The following ARMH1 variants were observed in gnomAD, a reference collection of about 807,000 sequenced individuals.
ARMH1 encodes armadillo like helical domain containing 1.
A neutral mutation model predicts 50.2 loss-of-function variants in ARMH1; 34 were observed. That is an observed-to-expected ratio of 0.68 (90% CI 0.51 to 0.90). ARMH1 has a LOEUF of 0.90. Ranked by LOEUF, ARMH1 falls within the 40% of genes least tolerant of loss-of-function variation. The probability of loss-of-function intolerance (pLI) is 0.00; values close to 1 mark genes in which losing one functional copy is unlikely to be tolerated. For synonymous variants in ARMH1, 221 were observed against 224.2 expected (o/e 0.99, Z 0.13); for missense variants, 538 against 553.9 (o/e 0.97, Z 0.29).
chr1:44,707,976 T>C (rs1212771415), intron 6 of ARMH1, among the ~76,000 whole-genome samples: 3 of 152,228 alleles, frequency 2.0e-5, no homozygotes, highest in Admixed American at 2.0e-4. Flanking sequence ...AAATGTCTGT[T>C]GAATGAATGT....
At chr1:44,701,433 AT>A (rs746783467) in intron 5 of ARMH1, among the ~76,000 whole-genome samples, 8 of 152,092 alleles carry the variant, frequency 5.3e-5, no homozygotes, top group Non-Finnish European at 8.8e-5. Context: ...GGAAAGAATA[AT>A]GGTGCATTTG....
In ARMH1 at chr1:44,724,733, A is replaced by G. The variant is rs1648008048; in HGVS notation, c.1051-29A>G. 2.6e-6 allele frequency: 4 copies of G among 1,513,544 alleles called. No homozygotes were observed. Among genetic ancestry groups the G allele is most frequent in the Non-Finnish European group, 3.5e-6 (4 of 1,135,726 alleles). 93.8% of individuals were successfully genotyped at this position (1,513,544 alleles called of 1,614,324 possible). On this transcript the variant is annotated intron_variant, in intron 9 of 11. Coordinates refer to ENST00000535358, the MANE Select transcript of ARMH1 (RefSeq NM_001145636.2). The surrounding 1 kb of genome is among the most constrained non-coding windows in gnomAD (Gnocchi z 6.4). ...GCACCCGCAGCCCCGTCGCCCCCGC[A>G]GTCACGCCGCCTCGCCCGCGCGGCG...
chr1:44,713,379 A>G (rs1428381708), intron 6 of ARMH1, among the ~76,000 whole-genome samples: 1 of 151,986 alleles, frequency 6.6e-6, no homozygotes, highest in African/African-American at 2.4e-5. Flanking sequence ...GATTACAGGT[A>G]TGAGTCACTG....
chr1:44,713,198 A>C (rs1646696626), intron 6 of ARMH1, among the ~76,000 whole-genome samples: 1 of 148,880 alleles, frequency 6.7e-6, no homozygotes, highest in Non-Finnish European at 1.5e-5. Flanking sequence ...TCCTGGATTC[A>C]AGCAATTTTC....
At chr1:44,720,114 T>G (rs1403326815) in intron 6 of ARMH1, among the ~76,000 whole-genome samples, 2 of 150,562 alleles carry the variant, frequency 1.3e-5, no homozygotes, top group Non-Finnish European at 2.9e-5. Context: ...GGAGAATTGC[T>G]TGAATCCATG....
chr1:44,690,157 G>T (rs1169572369), intron 2 of ARMH1, among the ~76,000 whole-genome samples: 1 of 152,170 alleles, frequency 6.6e-6, no homozygotes, highest in Non-Finnish European at 1.5e-5. Flanking sequence ...GGCAGAGGTT[G>T]CAGTGAGCCG....
chr1:44,699,640 G>A (rs1228428270), intron 4 of ARMH1, among the ~76,000 whole-genome samples: 13 of 151,780 alleles, frequency 8.6e-5, no homozygotes, highest in South Asian at 2.1e-4. Flanking sequence ...TAGTAGAGAC[G>A]GGGTTTCGCC....
At chr1:44,688,776 T>A (rs1645557509) in intron 1 of ARMH1, among the ~76,000 whole-genome samples, 1 of 152,220 alleles carries the variant, frequency 6.6e-6, no homozygotes, top group African/African-American at 2.4e-5. Context: ...AGGTTTATCT[T>A]AAACCTTCCC....
Position 44,724,634 on chromosome 1 carries a change from G to A in ARMH1, c.1016G>A (p.Ser339Asn). Residue 339 changes from serine (S) to asparagine (N), a missense_variant, in exon 9 of 12, where the codon AGC becomes AAC. By Grantham distance (46) the Ser-to-Asn change is conservative (BLOSUM62 1). Transcript: ENST00000535358. This position sits in a 1 kb window ranked among gnomAD's most constrained non-coding sequence, Gnocchi z 6.4. ...LMAAMGNTDHSNSQRLASLTL... is the reference protein window; with the variant it reads ...LMAAMGNTDHNNSQRLASLTL... ...GCCGCCATGGGCAACACGGACCACA[G>A]CAACAGCCAGCGGCTGGCCAGCCTC... 1 of 1,506,162 alleles carries A rather than the reference G, an allele frequency of 6.6e-7. No homozygotes were observed. The highest frequency in any genetic ancestry group is 8.8e-7 in the Non-Finnish European group (1 of 1,131,686). The allele number at this position is 1,506,162 out of a possible 1,614,324, so 93.3% of individuals were successfully genotyped here.
chr1:44,723,032 G>A (rs1647601089), intron 6 of ARMH1, among the ~76,000 whole-genome samples: 1 of 150,082 alleles, frequency 6.7e-6, no homozygotes, highest in African/African-American at 2.5e-5. Flanking sequence ...CCGAGATCGC[G>A]CCACTGCACT....
chr1:44,719,963 G>T (rs1647018222), intron 6 of ARMH1, among the ~76,000 whole-genome samples: 1 of 152,106 alleles, frequency 6.6e-6, no homozygotes, highest in East Asian at 1.9e-4. Context: ...GGGAGGCCAA[G>T]GTGGGTGGAT....
intron 2 of ARMH1, among the ~76,000 whole-genome samples, chr1:44,693,407 A>G (rs796418482): frequency 1.4e-4 from 21 of 152,230 alleles, no homozygotes; most frequent in African/African-American, 3.4e-4. Flanking sequence ...GATCCTGTCT[A>G]TTTAACACTG....
chr1:44,697,426 A>T (rs1334946417), intron 3 of ARMH1, among the ~76,000 whole-genome samples: 1 of 152,122 alleles, frequency 6.6e-6, no homozygotes, highest in African/African-American at 2.4e-5. Flanking sequence ...TTGGACTCAG[A>T]AAAAGGAAAA....
Position 44,689,254 on chromosome 1 carries a change from G to C in ARMH1, c.-22-422G>C, listed in dbSNP as rs138602292. ...TTTTTTGTATGTTTAGTAGAGACAG[G>C]GTTTCGCCATGTCAGCCAGGTTGGT... On this transcript the variant is annotated intron_variant, in intron 1 of 11. Transcript: ENST00000535358. The C allele has an allele frequency of 8.5e-3, 1,465 of 171,540 alleles. 30 individuals carry two copies. The highest frequency in any genetic ancestry group is 0.033 in the African/African-American group (1,374 of 41,706). The allele number at this position is 171,540 out of a possible 1,614,324, so 10.6% of individuals were successfully genotyped here.
chr1:44,676,194 C>T (rs1203387756), intron 1 of ARMH1, among the ~76,000 whole-genome samples: 1 of 152,098 alleles, frequency 6.6e-6, no homozygotes, highest in Non-Finnish European at 1.5e-5. Context: ...CTTCTAGATT[C>T]CTGGTTTGGG....
rs1188385863 is a variant in ARMH1 at position 44,704,145 on chromosome 1, C to T, written c.696C>T (p.Gly232=). Residue 232 remains glycine, a synonymous_variant, in exon 6 of 12, where the codon GGC becomes GGT. Transcript: ENST00000535358. ...SIVDCVLKVL[G]TMHLEVQYEA... is the part of the protein sequence containing the mutation. ...TGGACTGCGTGCTGAAGGTGCTGGG[C>T]ACGATGCACCTGGAAGTCCAGTATG... The T allele has an allele frequency of 1.3e-6, 2 of 1,551,094 alleles. No homozygotes were observed. The highest frequency in any genetic ancestry group is 2.7e-5 in the African/African-American group (2 of 72,946).
At chr1:44,694,560 A>T (rs1210003419) in intron 2 of ARMH1, among the ~76,000 whole-genome samples, 1 of 134,082 alleles carries the variant, frequency 7.5e-6, no homozygotes, top group Non-Finnish European at 1.5e-5. Flanking sequence ...CCCAGGCTGG[A>T]GTGCAGTGGT....
chr1:44,713,282 G>A (rs1041060552), intron 6 of ARMH1, among the ~76,000 whole-genome samples: 19 of 151,678 alleles, frequency 1.3e-4, no homozygotes, highest in Middle Eastern at 6.8e-3. Context: ...TATTTTTAGC[G>A]GGGATGGGGT....
chr1:44,684,102 A>G (rs1021408503), intron 1 of ARMH1, among the ~76,000 whole-genome samples: 1 of 152,130 alleles, frequency 6.6e-6, no homozygotes, highest in Non-Finnish European at 1.5e-5. Context: ...CCCTGCCTTC[A>G]TTCCTTCTGC....
Sources: gnomAD v4.1 joint callset for allele counts (sites outside exome capture counted in the v4.1 genomes callset) on GRCh38, gnomAD v4.1.1 for gene constraint, Gnocchi (gnomAD v3.1) non-coding constraint, MANE v1.5 for transcripts, NCBI Gene and HGNC (gene_info 2026-07-23, HGNC 2026-07-21) for gene names.